TAFA2: variants seen among roughly 807,000 people sequenced by gnomAD.
TAFA2 encodes the protein chemokine-like protein TAFA-2.
In TAFA2, 7 loss-of-function variants were observed where a neutral mutation model predicts 18.8. That is an observed-to-expected ratio of 0.37 (90% CI 0.21 to 0.70). The LOEUF (loss-of-function observed/expected upper bound fraction) is 0.70, where lower values mean the gene tolerates loss of function less well. Among genes scored for constraint, TAFA2 ranks in the 30% least tolerant of loss-of-function variants. The pLI is 0.53. For missense variants in TAFA2, 122 were observed against 158.1 expected (o/e 0.77, Z 1.23); for synonymous variants, 60 against 54.2 (o/e 1.11, Z -0.47).
chr12:62,095,925 G>C (rs573249623), intron 1 of TAFA2, among the ~76,000 whole-genome samples: 1 of 152,200 alleles, frequency 6.6e-6, no homozygotes, highest in East Asian at 1.9e-4. Context: ...GGATGAGAAG[G>C]AGCCAGTTTT....
At chr12:62,077,722 C>T (rs1010467319) in intron 1 of TAFA2, among the ~76,000 whole-genome samples, 2 of 152,116 alleles carry the variant, frequency 1.3e-5, no homozygotes, top group African/African-American at 2.4e-5. Flanking sequence ...GCCTGTCTGC[C>T]CCCAGAGTTC....
chr12:61,718,872 A>T (rs1420216428), intron 4 of TAFA2, among the ~76,000 whole-genome samples: 1 of 152,346 alleles, frequency 6.6e-6, no homozygotes, highest in Admixed American at 6.5e-5. Context: ...AGCTTTAAAA[A>T]TTGTACTTTA....
At chr12:61,784,100 C>T (rs1001230458) in intron 2 of TAFA2, among the ~76,000 whole-genome samples, 4 of 151,280 alleles carry the variant, frequency 2.6e-5, no homozygotes, top group African/African-American at 7.3e-5. Context: ...GAGACTGAGG[C>T]CATCTCTGGA....
chr12:61,878,226 A>G, intron 1 of TAFA2: 2 of 372,512 alleles, frequency 5.4e-6, no homozygotes, highest in South Asian at 4.2e-5. Context: ...TCTGGAATAG[A>G]TAAGTGGTAA....
chr12:61,825,599 T>A (rs1872511452), intron 2 of TAFA2, among the ~76,000 whole-genome samples: 1 of 151,908 alleles, frequency 6.6e-6, no homozygotes, highest in Non-Finnish European at 1.5e-5. Flanking sequence ...GTAGAAAAAA[T>A]GGAGTCAAAC....
intron 2 of TAFA2, among the ~76,000 whole-genome samples, chr12:61,793,284 G>C (rs1871057749): frequency 2.0e-5 from 3 of 150,694 alleles, no homozygotes; most frequent in Admixed American, 2.0e-4. Flanking sequence ...CTACAAAATA[G>C]AAAAACAATA....
intron 1 of TAFA2, among the ~76,000 whole-genome samples, chr12:61,978,369 T>G (rs1879510772): frequency 6.6e-6 from 1 of 152,038 alleles, no homozygotes; most frequent in Non-Finnish European, 1.5e-5. Flanking sequence ...CCCCTATATT[T>G]CAAAACATAT....
intron 1 of TAFA2, among the ~76,000 whole-genome samples, chr12:61,934,683 A>T (rs928222378): frequency 1.3e-5 from 2 of 152,236 alleles, no homozygotes; most frequent in African/African-American, 4.8e-5. Context: ...CACTTGAAAG[A>T]GATGCTCTTC....
intron 1 of TAFA2, among the ~76,000 whole-genome samples, chr12:61,988,132 AGAAC>A (rs1270982697): frequency 1.3e-5 from 2 of 152,120 alleles, no homozygotes; most frequent in East Asian, 3.9e-4. Flanking sequence ...AGCTCCAGAC[AGAAC>A]TTAGCACCCT....
chr12:61,923,860 G>A (rs192641473), intron 1 of TAFA2, among the ~76,000 whole-genome samples: 4 of 151,840 alleles, frequency 2.6e-5, no homozygotes, highest in Non-Finnish European at 5.9e-5. Flanking sequence ...TACAGGAACT[G>A]CTAACTAGAA....
At chr12:61,980,632 C>T (rs2136676033) in intron 1 of TAFA2, among the ~76,000 whole-genome samples, 1 of 152,262 alleles carries the variant, frequency 6.6e-6, no homozygotes, top group Admixed American at 6.5e-5. Context: ...AATCAATGTG[C>T]AAAAATCACA....
At chr12:62,107,970 T>C (rs1869536396) in intron 1 of TAFA2, among the ~76,000 whole-genome samples, 2 of 152,176 alleles carry the variant, frequency 1.3e-5, no homozygotes, top group South Asian at 2.1e-4. Context: ...TACCACACTT[T>C]TAATTCACTT....
chr12:62,123,235 T>C (rs1332808953), intron 1 of TAFA2, among the ~76,000 whole-genome samples: 1 of 152,200 alleles, frequency 6.6e-6, no homozygotes, highest in East Asian at 1.9e-4. Flanking sequence ...ACACCTCATA[T>C]AGCACTAGAA....
intron 1 of TAFA2, among the ~76,000 whole-genome samples, chr12:62,128,379 T>C (rs184231265): frequency 3.3e-5 from 5 of 152,170 alleles, no homozygotes; most frequent in Non-Finnish European, 5.9e-5. Context: ...TCAGAGGTTG[T>C]GAAACAAACA....
chr12:62,194,320 C>T (rs1009437520), upstream of TAFA2, among the ~76,000 whole-genome samples: 7 of 8,984 alleles, frequency 7.8e-4, no homozygotes, highest in South Asian at 6.1e-3. Context: ...CACACACACA[C>T]ACACACATAC....
At chr12:61,839,822 C>G (rs956882724) in intron 2 of TAFA2, among the ~76,000 whole-genome samples, 31 of 151,664 alleles carry the variant, frequency 2.0e-4, no homozygotes, top group African/African-American at 6.8e-4. Context: ...CGCAATATAC[C>G]CAAGTAAAAA....
intron 1 of TAFA2, among the ~76,000 whole-genome samples, chr12:62,033,467 C>T (rs1264837608): frequency 6.6e-6 from 1 of 152,056 alleles, no homozygotes; most frequent in Admixed American, 6.5e-5. Flanking sequence ...AGACTCTGCT[C>T]CCTAGACAAA....
At chr12:62,143,504 A>G (rs982344334) in intron 1 of TAFA2, among the ~76,000 whole-genome samples, 1 of 152,154 alleles carries the variant, frequency 6.6e-6, no homozygotes, top group East Asian at 1.9e-4. Context: ...ACTTTGTTTC[A>G]TCTATAAAAC....
At chr12:61,929,407 C>T (rs1877454538) in intron 1 of TAFA2, among the ~76,000 whole-genome samples, 1 of 152,038 alleles carries the variant, frequency 6.6e-6, no homozygotes, top group African/African-American at 2.4e-5. Context: ...TGAAAAAATG[C>T]TCATCATCAC....
Sources: gnomAD v4.1 joint callset for allele counts (sites outside exome capture counted in the v4.1 genomes callset) on GRCh38, gnomAD v4.1.1 for gene constraint, MANE v1.5 for transcripts, NCBI Gene and HGNC (gene_info 2026-07-23, HGNC 2026-07-21) for gene names.